The following VIT variants were observed in gnomAD, a reference collection of about 807,000 sequenced individuals.
The protein encoded by VIT is vitrin.
A neutral mutation model predicts 78.0 loss-of-function variants in VIT; 99 were observed. The observed-to-expected ratio is 1.27, with a 90% CI of 1.08 to 1.50. The LOEUF (loss-of-function observed/expected upper bound fraction) is 1.50. Among genes scored for constraint, VIT ranks in the 40% most tolerant of loss-of-function variants. The pLI is 0.00. For synonymous variants in VIT, 374 were observed against 334.3 expected, an observed-to-expected ratio of 1.12 and a Z score of -1.29; for missense variants, 1,126 against 875.3, an observed-to-expected ratio of 1.29 and a Z score of -3.61.
intron 12 of VIT, among the ~76,000 whole-genome samples, chr2:36,793,258 A>AC: frequency 6.6e-6 from 1 of 151,962 alleles, no homozygotes; most frequent in South Asian, 2.1e-4. Flanking sequence ...TCAATTTTCT[A>AC]CCCTTTTTGG....
chr2:36,767,115 A>G lies in VIT; in HGVS notation c.509A>G (p.Gln170Arg). The stretch of plus-strand genomic sequence containing the variant: ...ACAGGTGAGACCACAAAAGCCTATC[A>G]GAGGCCACCTATTCCAGGGACAACT... Reference protein sequence around the residue: ...AQAGETTKAYQRPPIPGTTAQ... With the variant: ...AQAGETTKAYRRPPIPGTTAQ... Residue 170 changes from glutamine to arginine, a missense_variant, in exon 7 of 16, where the codon CAG becomes CGG. Physicochemically the swap from Gln to Arg is conservative, Grantham distance 43. Coordinates refer to ENST00000379242, the MANE Select transcript of VIT (RefSeq NM_053276.4). 1.2e-6 allele frequency: 2 copies of G among 1,603,970 alleles called. No homozygotes were observed. The highest frequency in any genetic ancestry group is 1.7e-6 in the Non-Finnish European group (2 of 1,175,768).
At position 36,733,367 on chromosome 2, in the gene VIT, C is replaced by T. The variant is rs145513180; in HGVS notation, c.118+3876C>T. On this transcript the variant is annotated intron_variant, in intron 3 of 15. Transcript: ENST00000379242. ...CTCCCCCCCTCTCTCTCTCTCCAGA[C>T]CATGTCTCTCAGTCCTGATCCCAAA... Among the ~76,000 whole-genome samples the T allele has an allele frequency of 2.0e-5, 3 of 152,264 alleles. No individual in the cohort carries two copies. In the East Asian group the frequency reaches 5.8e-4, roughly 29 times the overall value.
chr2:36,760,253 A>G (rs1238653930), intron 6 of VIT, among the ~76,000 whole-genome samples: 3 of 152,152 alleles, frequency 2.0e-5, no homozygotes, highest in Non-Finnish European at 4.4e-5. Flanking sequence ...TCGGCCTTCC[A>G]AAATGCTAGG....
At chr2:36,712,848 A>G (rs1451568198) in intron 1 of VIT, among the ~76,000 whole-genome samples, 1 of 152,176 alleles carries the variant, frequency 6.6e-6, no homozygotes, top group Admixed American at 6.5e-5. Context: ...CAATCAATCA[A>G]TTAAAGTGTA....
intron 13 of VIT, among the ~76,000 whole-genome samples, chr2:36,801,774 TGAAAAA>T (rs1666348866): frequency 8.0e-6 from 1 of 125,292 alleles, no homozygotes; most frequent in Non-Finnish European, 1.7e-5. Flanking sequence ...AGACTCCATC[TGAAAAA>T]AAAAAAAAAA....
At chr2:36,706,925 T>C (rs148907185) in intron 1 of VIT, among the ~76,000 whole-genome samples, 32 of 152,262 alleles carry the variant, frequency 2.1e-4, no homozygotes, top group African/African-American at 4.6e-4. Context: ...CAATATTAAG[T>C]TGGAGACCTG....
chr2:36,738,756 T>C (rs1667659099), intron 3 of VIT, among the ~76,000 whole-genome samples: 1 of 152,202 alleles, frequency 6.6e-6, no homozygotes, highest in African/African-American at 2.4e-5. Context: ...ACAACATGCA[T>C]TTAGAAAGTA....
At chr2:36,798,440 C>A (rs1433282587) in intron 12 of VIT, among the ~76,000 whole-genome samples, 2 of 152,154 alleles carry the variant, frequency 1.3e-5, no homozygotes, top group East Asian at 1.9e-4. Context: ...GTGTACATAG[C>A]ATTTACTGAA....
At chr2:36,806,016 A>G (rs759435) in intron 14 of VIT, among the ~76,000 whole-genome samples, 81,171 of 151,860 alleles carry the variant, frequency 0.53, 25,462 homozygotes, top group East Asian at 0.8. Context: ...ACACACACGC[A>G]CACACACACA....
chr2:36,810,497 C>G (rs1667076743), intron 15 of VIT, among the ~76,000 whole-genome samples: 1 of 152,094 alleles, frequency 6.6e-6, no homozygotes, highest in Admixed American at 6.5e-5. Flanking sequence ...CTGGAGAAAA[C>G]CCCAAGTGAT....
At chr2:36,751,109 A>C (rs1189223663) in intron 4 of VIT, among the ~76,000 whole-genome samples, 1 of 151,638 alleles carries the variant, frequency 6.6e-6, no homozygotes, top group African/African-American at 2.4e-5. Flanking sequence ...AATACAAAAA[A>C]ATTTAGCTGG....
chr2:36,729,462 C>A lies in VIT; in HGVS notation c.89C>A (p.Thr30Lys). The change falls in exon 3 of 16, where the codon ACG (threonine) becomes AAG (lysine). Residue 30 changes from threonine (T) to lysine (K), a missense_variant. Transcript: ENST00000379242. Reference sequence around the variant, plus strand: ...ACTGGAGTACATTCAAACAAAGAAACGGCAAAGAAGATTAAAAGGCCCAAG... The same window carrying A: ...ACTGGAGTACATTCAAACAAAGAAAAGGCAAAGAAGATTAAAAGGCCCAAG... Reference protein sequence around the residue: ...LVTGVHSNKETAKKIKRPKFT... With the variant: ...LVTGVHSNKEKAKKIKRPKFT... The A allele has an allele frequency of 6.2e-7, 1 of 1,608,500 alleles. No individual in the cohort carries two copies. The highest frequency in any genetic ancestry group is 8.5e-7 in the Non-Finnish European group (1 of 1,177,676).
chr2:36,769,762 T>C (rs181318768), intron 7 of VIT, among the ~76,000 whole-genome samples: 7 of 152,322 alleles, frequency 4.6e-5, no homozygotes, highest in Admixed American at 4.6e-4. Flanking sequence ...TAGGGTTGTG[T>C]GACCATCACC....
rs1262294375 is a variant in VIT, at chr2:36,716,422, G to A, written c.52G>A (p.Val18Ile). 6.2e-7 allele frequency: 1 copy of A among 1,613,502 alleles called. No homozygotes were observed. The highest frequency in any genetic ancestry group is 8.5e-7 in the Non-Finnish European group (1 of 1,179,768). ...GGCATCTGTTATTGAAATGTTCCTT[G>A]GTAAGTACTTTTATATGTGTATCTG... ...MKASVIEMFL[V>I]LLVTGVHSNK... Residue 18 changes from valine (V) to isoleucine (I), a missense_variant and splice_region_variant, in exon 2 of 16, where the codon GTT becomes ATT. Transcript: ENST00000379242.
chr2:36,742,846 G>T (rs960166259), intron 3 of VIT, among the ~76,000 whole-genome samples: 2 of 152,162 alleles, frequency 1.3e-5, no homozygotes, highest in Non-Finnish European at 2.9e-5. Context: ...TTGTTAATTG[G>T]TTATTTCAAT....
At position 36,814,636 on chromosome 2, in the gene VIT, C is replaced by T. The variant is rs1266666320; in HGVS notation, c.*275C>T. On this transcript the variant is annotated 3_prime_UTR_variant, in exon 16 of 16. Transcript: ENST00000379242. The stretch of plus-strand genomic sequence containing the variant: ...GACAATTGTTTTCAAAATAAATGTT[C>T]GGAATACAGTGCAGCCCTTACGACA... The T allele has an allele frequency of 4.9e-6, 2 of 407,278 alleles. No homozygotes were observed. The highest frequency in any genetic ancestry group is 8.8e-6 in the Non-Finnish European group (2 of 228,244). The allele number at this position is 407,278 out of a possible 1,614,324, so 25.2% of individuals were successfully genotyped here. A position where few individuals can be genotyped will look rare whatever the true frequency, so the allele number is the denominator to read the frequency against.
At chr2:36,717,325 G>A (rs1243538141) in intron 2 of VIT, among the ~76,000 whole-genome samples, 7 of 141,806 alleles carry the variant, frequency 4.9e-5, no homozygotes, top group East Asian at 2.1e-4. Flanking sequence ...CCACCACCAC[G>A]CCTGGCTAAT....
chr2:36,741,779 C>T (rs1401624690), intron 3 of VIT, among the ~76,000 whole-genome samples: 2 of 152,162 alleles, frequency 1.3e-5, no homozygotes, highest in African/African-American at 4.8e-5. Context: ...TCTCCACTTG[C>T]ATACTTCTAC....
chr2:36,766,483 A>G (rs1669437684), intron 6 of VIT, among the ~76,000 whole-genome samples: 1 of 152,186 alleles, frequency 6.6e-6, no homozygotes, highest in Admixed American at 6.5e-5. Context: ...GTGAGCTATA[A>G]TTGTGCCACT....
Sources: gnomAD v4.1 joint callset for allele counts (sites outside exome capture counted in the v4.1 genomes callset) on GRCh38, gnomAD v4.1.1 for gene constraint, MANE v1.5 for transcripts, NCBI Gene and HGNC (gene_info 2026-07-23, HGNC 2026-07-21) for gene names.